The following NCAM1 variants were observed in gnomAD, a reference collection of about 807,000 sequenced individuals.
The protein encoded by NCAM1 is neural cell adhesion molecule 1.
A neutral mutation model predicts 109.8 loss-of-function variants in NCAM1; 14 were observed. The ratio of observed to expected loss-of-function variants is 0.13; its 90% CI spans 0.08 to 0.20. The LOEUF (loss-of-function observed/expected upper bound fraction) is 0.20, where lower values mean the gene tolerates loss of function less well. NCAM1 is among the 10% of genes least tolerant of loss of function. NCAM1 has a pLI of 1.00. For missense variants in NCAM1, 774 were observed against 1,109.9 expected (o/e 0.70, Z 4.30); for synonymous variants, 418 against 442.9 (o/e 0.94, Z 0.70).
intron 1 of NCAM1, among the ~76,000 whole-genome samples, chr11:112,983,978 G>A (rs1951224797): frequency 6.6e-6 from 1 of 151,808 alleles, no homozygotes; most frequent in South Asian, 2.1e-4. Flanking sequence ...TGGTGATCAT[G>A]TGGTGCTTTA....
At chr11:113,059,691 A>G (rs778842419) in intron 1 of NCAM1, among the ~76,000 whole-genome samples, 1 of 152,144 alleles carries the variant, frequency 6.6e-6, no homozygotes, top group Non-Finnish European at 1.5e-5. Flanking sequence ...CACTTCAGCC[A>G]TATTCCATCG....
intron 1 of NCAM1, among the ~76,000 whole-genome samples, chr11:113,046,329 C>T: frequency 6.6e-6 from 1 of 152,160 alleles, no homozygotes; most frequent in East Asian, 1.9e-4. Context: ...GGAGGGTGGG[C>T]TTTGAACACA....
chr11:113,235,368 G>A (rs1945134552), intron 14 of NCAM1: 1 of 1,154,652 alleles, frequency 8.7e-7, no homozygotes, highest in African/African-American at 1.5e-5. Flanking sequence ...TTTCTCCAAG[G>A]GGTTGGGGAC....
At chr11:113,129,567 C>G (rs1200043243) in intron 1 of NCAM1, among the ~76,000 whole-genome samples, 1 of 152,122 alleles carries the variant, frequency 6.6e-6, no homozygotes, top group Admixed American at 6.5e-5. Context: ...TGAACTTGGT[C>G]AGGAAGACTA....
intron 1 of NCAM1, among the ~76,000 whole-genome samples, chr11:113,151,286 G>T (rs2136272058): frequency 6.6e-6 from 1 of 152,338 alleles, no homozygotes; most frequent in South Asian, 2.1e-4. Flanking sequence ...TTGCAAAAGA[G>T]AGAATGAAGC....
At chr11:113,146,027 G>T (rs536469244) in intron 1 of NCAM1, among the ~76,000 whole-genome samples, 18 of 152,252 alleles carry the variant, frequency 1.2e-4, no homozygotes, top group South Asian at 2.1e-4. Context: ...GGTTTGCTCT[G>T]CCCCAGGTGA....
At chr11:112,987,187 A>T (rs1224888335) in intron 1 of NCAM1, among the ~76,000 whole-genome samples, 2 of 151,914 alleles carry the variant, frequency 1.3e-5, no homozygotes, top group African/African-American at 4.8e-5. Context: ...TAATTTCCAT[A>T]TTTTTGTGAA....
intron 1 of NCAM1, among the ~76,000 whole-genome samples, chr11:113,160,236 G>A (rs1942555848): frequency 6.6e-6 from 1 of 152,106 alleles, no homozygotes; most frequent in Admixed American, 6.5e-5. Context: ...ACGCAGCTTT[G>A]GACAATCTCT....
At position 113,045,763 on chromosome 11, in the gene NCAM1, C is replaced by CAGCATGTTATAGAAATAGGCT. The variant is rs576632930; in HGVS notation, c.52+84100_52+84120dup. Among the ~76,000 whole-genome samples the CAGCATGTTATAGAAATAGGCT allele has an allele frequency of 1.3e-3, 203 of 152,070 alleles. 1 individual carries two copies. The highest frequency in any genetic ancestry group is 4.7e-3 in the African/African-American group (195 of 41,476). On this transcript the variant is annotated intron_variant, in intron 1 of 19. Coordinates refer to ENST00000316851, the MANE Select transcript of NCAM1 (RefSeq NM_181351.5). Reference sequence around the variant, plus strand: ...TTTCAACCTGTCTTCTAAAATAGGCCAGCATGTTATAGAAATAGGCTTTTC... The same window carrying CAGCATGTTATAGAAATAGGCT: ...TTTCAACCTGTCTTCTAAAATAGGCCAGCATGTTATAGAAATAGGCTAGCATGTTATAGAAATAGGCTTTTC...
At chr11:113,205,938 C>G in intron 4 of NCAM1, 105 bp from the exon 5 acceptor site, 1 of 1,414,242 alleles carries the variant, frequency 7.1e-7, no homozygotes, top group Non-Finnish European at 9.8e-7. Context: ...GCTTAAAACC[C>G]CACCCTATGA....
intron 1 of NCAM1, among the ~76,000 whole-genome samples, chr11:113,084,896 G>C (rs1392640442): frequency 2.6e-5 from 4 of 152,172 alleles, no homozygotes; most frequent in South Asian, 2.1e-4. Context: ...AAATCAGTTG[G>C]AACAGTTGCT....
At chr11:113,146,825 G>A (rs1942034878) in intron 1 of NCAM1, among the ~76,000 whole-genome samples, 1 of 151,678 alleles carries the variant, frequency 6.6e-6, no homozygotes, top group African/African-American at 2.4e-5. Context: ...TCACTGGCTG[G>A]TTCAAATCCC....
intron 16 of NCAM1, among the ~76,000 whole-genome samples, chr11:113,257,749 A>G (rs545297365): frequency 6.6e-6 from 1 of 152,392 alleles, no homozygotes; most frequent in African/African-American, 2.4e-5. Flanking sequence ...GTATAATATA[A>G]CATTTTCTCT....
rs949234891 is a variant in NCAM1 at position 112,963,751 on chromosome 11, C to T, written c.52+2087C>T. Among the ~76,000 whole-genome samples, 2 of 152,214 alleles carry T rather than the reference C, an allele frequency of 1.3e-5. No homozygotes were observed. The highest frequency in any genetic ancestry group is 2.4e-5 in the African/African-American group (1 of 41,460). On this transcript the variant is annotated intron_variant, in intron 1 of 19. Transcript: ENST00000316851. This position sits in a 1 kb window ranked among gnomAD's most constrained non-coding sequence, Gnocchi z 4.6. ...GTGGGCCTTTTGGGGGATCGCCTGG[C>T]GGTCCTTTCCATCATCGTGATGGGT...
intron 1 of NCAM1, among the ~76,000 whole-genome samples, chr11:113,023,141 A>G (rs1414139870): frequency 6.6e-6 from 1 of 152,246 alleles, no homozygotes; most frequent in Non-Finnish European, 1.5e-5. Flanking sequence ...TATACTGTTT[A>G]TGCAAATATC....
At chr11:113,073,538 G>A (rs549267415) in intron 1 of NCAM1, among the ~76,000 whole-genome samples, 1 of 152,220 alleles carries the variant, frequency 6.6e-6, no homozygotes, top group African/African-American at 2.4e-5. Flanking sequence ...TTTTTAGCAT[G>A]GCATTCGACT....
At chr11:113,010,923 A>T (rs1952031659) in intron 1 of NCAM1, among the ~76,000 whole-genome samples, 1 of 152,208 alleles carries the variant, frequency 6.6e-6, no homozygotes, top group Non-Finnish European at 1.5e-5. Context: ...AGGATTCATC[A>T]TTGGGGGAGG....
Position 112,963,949 on chromosome 11 carries a change from T to G in NCAM1, c.52+2285T>G, listed in dbSNP as rs542334536. ...GGAAGAAGGCAGAACGTGAAACACA[T>G]ACAAGGTTGCTTAACAAAAGAAAGA... On this transcript the variant is annotated intron_variant, in intron 1 of 19. Coordinates refer to ENST00000316851, the MANE Select transcript of NCAM1 (RefSeq NM_181351.5). This position sits in a 1 kb window ranked among gnomAD's most constrained non-coding sequence, Gnocchi z 4.6. Among the ~76,000 whole-genome samples, 108 of 152,138 alleles carry G rather than the reference T, an allele frequency of 7.1e-4. No individual in the cohort carries two copies. The highest frequency in any genetic ancestry group is 2.9e-3 in the South Asian group (14 of 4,826).
chr11:113,155,513 A>C (rs76839932), intron 1 of NCAM1, among the ~76,000 whole-genome samples: 222 of 152,090 alleles, frequency 1.5e-3, no homozygotes, highest in African/African-American at 5.2e-3. Context: ...CATCTTAAAA[A>C]AAAAAACAAA....
Sources: allele counts gnomAD v4.1 joint callset (sites outside exome capture counted in the v4.1 genomes callset), GRCh38; gene constraint gnomAD v4.1.1; non-coding constraint Gnocchi (gnomAD v3.1); transcripts MANE v1.5; gene names NCBI Gene and HGNC (gene_info 2026-07-23, HGNC 2026-07-21).